Variants in ANGPT1 observed in about 807,000 individuals in gnomAD.
ANGPT1 encodes the protein angiopoietin-1.
A neutral mutation model predicts 62.2 loss-of-function variants in ANGPT1; 17 were observed. That is an observed-to-expected ratio of 0.27 (90% CI 0.19 to 0.41). ANGPT1 has a LOEUF of 0.41. Among genes scored for constraint, ANGPT1 ranks in the 10% least tolerant of loss-of-function variants. ANGPT1 has a pLI of 1.00. For missense variants in ANGPT1, 478 were observed against 594.9 expected (o/e 0.80, Z 2.04); for synonymous variants, 199 against 198.9 (o/e 1.00, Z 0.00).
At position 107,401,924 on chromosome 8, in the gene ANGPT1, T is replaced by C. The variant is rs1268654625; in HGVS notation, c.298-54827A>G. Reference sequence around the variant, plus strand: ...ACAATATCTTGGAAATGTGATGTCCTTTTTTTGCCTTCATGCTTATTATGT... The same window carrying C: ...ACAATATCTTGGAAATGTGATGTCCCTTTTTTGCCTTCATGCTTATTATGT... On this transcript the variant is annotated intron_variant, in intron 1 of 8. Coordinates refer to ENST00000517746, the MANE Select transcript of ANGPT1 (RefSeq NM_001146.5). Among the ~76,000 whole-genome samples the C allele has an allele frequency of 1.3e-5, 2 of 152,122 alleles. 1 individual carries two copies. Among genetic ancestry groups the C allele is most frequent in the Non-Finnish European group, 2.9e-5 (2 of 68,008 alleles).
At chr8:107,479,390 C>T (rs562504601) in intron 1 of ANGPT1, among the ~76,000 whole-genome samples, 2 of 152,198 alleles carry the variant, frequency 1.3e-5, no homozygotes, top group East Asian at 3.9e-4. Context: ...CAAAAAGTTT[C>T]AACCAATATG....
intron 1 of ANGPT1, among the ~76,000 whole-genome samples, chr8:107,361,478 A>T (rs1168414020): frequency 1.3e-5 from 2 of 148,202 alleles, no homozygotes; most frequent in Admixed American, 6.8e-5. Context: ...GAATATATAC[A>T]TACATATGTA....
At chr8:107,358,028 T>C (rs568195104) in intron 1 of ANGPT1, among the ~76,000 whole-genome samples, 4 of 152,312 alleles carry the variant, frequency 2.6e-5, no homozygotes, top group African/African-American at 9.6e-5. Flanking sequence ...TTTATGGGTT[T>C]TTAAAATTAA....
At chr8:107,297,309 C>A (rs781186083) in intron 5 of ANGPT1, among the ~76,000 whole-genome samples, 2 of 151,924 alleles carry the variant, frequency 1.3e-5, no homozygotes, top group Non-Finnish European at 2.9e-5. Context: ...TGGTTAATAG[C>A]GCCAACTTGA....
intron 1 of ANGPT1, among the ~76,000 whole-genome samples, chr8:107,473,655 G>T (rs1034234586): frequency 6.6e-6 from 1 of 151,988 alleles, no homozygotes; most frequent in East Asian, 1.9e-4. Flanking sequence ...AGACTTAAAA[G>T]AATAAAATCA....
chr8:107,274,690 G>C (rs1813818091), intron 7 of ANGPT1, among the ~76,000 whole-genome samples: 1 of 152,056 alleles, frequency 6.6e-6, no homozygotes, highest in Non-Finnish European at 1.5e-5. Context: ...CAGGATTTTT[G>C]ACTTGTTGCT....
At chr8:107,426,721 T>C (rs1041543321) in intron 1 of ANGPT1, among the ~76,000 whole-genome samples, 2 of 152,210 alleles carry the variant, frequency 1.3e-5, no homozygotes, top group African/African-American at 4.8e-5. Flanking sequence ...CAAATCCCAC[T>C]ATTTTGTCCT....
chr8:107,489,582 A>C (rs1812903569), intron 1 of ANGPT1, among the ~76,000 whole-genome samples: 1 of 152,176 alleles, frequency 6.6e-6, no homozygotes, highest in South Asian at 2.1e-4. Context: ...ACTAAGACCA[A>C]ATGAATCTAA....
intron 7 of ANGPT1, among the ~76,000 whole-genome samples, chr8:107,283,582 A>G (rs1814067453): frequency 1.3e-5 from 2 of 152,182 alleles, no homozygotes; most frequent in South Asian, 4.1e-4. Flanking sequence ...GAAACAGTTG[A>G]ACTATGAGAT....
In ANGPT1 at chr8:107,452,306, C is replaced by T. The variant is rs533375539; in HGVS notation, c.297+44956G>A. ...CATATCCTTTATAATTAGGATCTTA[C>T]GGAGAGACCATGGACCATCAAGCCA... On this transcript the variant is annotated intron_variant, in intron 1 of 8. Transcript: ENST00000517746. Among the ~76,000 whole-genome samples, 22 of 151,570 alleles carry T rather than the reference C, an allele frequency of 1.5e-4. No individual in the cohort carries two copies. The South Asian group carries it at 2.3e-3, about 16-fold the overall frequency.
rs1010158664 is a variant in ANGPT1, at chr8:107,349,659, T to C, written c.298-2562A>G. Among the ~76,000 whole-genome samples, 5 of 152,272 alleles carry C rather than the reference T, an allele frequency of 3.3e-5. No homozygotes were observed. The South Asian group carries it at 8.3e-4, about 25-fold the overall frequency. ...TATAGCTGCTTTATAGATGAGACTA[T>C]TGAGGCTCAGAAACCCCCAAACAAC... is the stretch of plus-strand genomic sequence containing the variant. On this transcript the variant is annotated intron_variant, in intron 1 of 8. Transcript: ENST00000517746.
At chr8:107,480,702 C>T (rs1177176940) in intron 1 of ANGPT1, among the ~76,000 whole-genome samples, 1 of 152,188 alleles carries the variant, frequency 6.6e-6, no homozygotes, top group Non-Finnish European at 1.5e-5. Flanking sequence ...ATTTTCCACT[C>T]AACTTCATGG....
intron 1 of ANGPT1, among the ~76,000 whole-genome samples, chr8:107,362,006 G>A (rs1251183148): frequency 2.6e-5 from 4 of 152,152 alleles, no homozygotes; most frequent in African/African-American, 9.7e-5. Flanking sequence ...AATGAGCTGA[G>A]ATCGCGCCAC....
At chr8:107,373,424 G>A (rs1310698189) in intron 1 of ANGPT1, among the ~76,000 whole-genome samples, 1 of 152,130 alleles carries the variant, frequency 6.6e-6, no homozygotes, top group Non-Finnish European at 1.5e-5. Context: ...GCTGAAACAT[G>A]AAAATGATAC....
chr8:107,364,764 A>T (rs1005063091), intron 1 of ANGPT1, among the ~76,000 whole-genome samples: 2 of 152,248 alleles, frequency 1.3e-5, no homozygotes, highest in African/African-American at 4.8e-5. Context: ...TTGTTTCAAA[A>T]CTTCAAAGGG....
intron 1 of ANGPT1, among the ~76,000 whole-genome samples, chr8:107,405,236 T>C (rs1817124867): frequency 6.6e-6 from 1 of 151,982 alleles, no homozygotes; most frequent in South Asian, 2.1e-4. Context: ...GTGATGTAGC[T>C]TTATTATATG....
intron 1 of ANGPT1, among the ~76,000 whole-genome samples, chr8:107,457,852 AC>A (rs1194471974): frequency 6.7e-6 from 1 of 150,296 alleles, no homozygotes; most frequent in Non-Finnish European, 1.5e-5. Flanking sequence ...ACACACACAC[AC>A]ACACACACAC....
At chr8:107,281,198 T>C (rs1412097638) in intron 7 of ANGPT1, among the ~76,000 whole-genome samples, 1 of 152,160 alleles carries the variant, frequency 6.6e-6, no homozygotes. Flanking sequence ...GTCAAGAGCA[T>C]GATAAATGTT....
chr8:107,333,944 AAAAG>A (rs376283949), intron 3 of ANGPT1, among the ~76,000 whole-genome samples: 3,603 of 142,244 alleles, frequency 0.025, 79 homozygotes, highest in Middle Eastern at 0.1. Context: ...GAAAGAAAGA[AAAAG>A]AAAGAAAGAA....
Sources: gnomAD v4.1 joint callset for allele counts (sites outside exome capture counted in the v4.1 genomes callset) on GRCh38, gnomAD v4.1.1 for gene constraint, MANE v1.5 for transcripts, NCBI Gene and HGNC (gene_info 2026-07-23, HGNC 2026-07-21) for gene names.